KLF13: variants seen among roughly 807,000 people sequenced by gnomAD.
KLF13 encodes KLF transcription factor 13, also known as Krueppel-like factor 13.
In KLF13, 8 loss-of-function variants were observed where a neutral mutation model predicts 16.7. That is an observed-to-expected ratio of 0.48 (90% CI 0.28 to 0.87). KLF13 has a LOEUF of 0.87. KLF13 is among the 40% of genes least tolerant of loss of function. The pLI, the probability that KLF13 is intolerant of heterozygous loss-of-function variation, is 0.10. For missense variants in KLF13, 447 were observed against 452.2 expected, an observed-to-expected ratio of 0.99 and a Z score of 0.10; for synonymous variants, 245 against 208.4, an observed-to-expected ratio of 1.18 and a Z score of -1.51.
At chr15:31,404,889 C>T (rs1168704581), downstream of KLF13, among the ~76,000 whole-genome samples, 2 of 152,170 alleles carry the variant, frequency 1.3e-5, no homozygotes, top group Admixed American at 1.3e-4. Flanking sequence ...AAGAGTGGAG[C>T]CTAGGGTCTT....
At chr15:31,435,071 T>C (rs2037370872) in intron 1 of KLF13, among the ~76,000 whole-genome samples, 1 of 152,170 alleles carries the variant, frequency 6.6e-6, no homozygotes, top group Non-Finnish European at 1.5e-5. Flanking sequence ...TTCCTTCCTG[T>C]GTATATCTTA....
chr15:31,434,867 C>G (rs2040511632), intron 1 of KLF13, among the ~76,000 whole-genome samples: 1 of 152,248 alleles, frequency 6.6e-6, no homozygotes, highest in South Asian at 2.1e-4. Context: ...GGGCAGCCCA[C>G]TGGGCGCCTT....
At chr15:31,327,816 A>C in intron 1 of KLF13, 27 bp downstream of exon 1, 1 of 1,435,460 alleles carries the variant, frequency 7.0e-7, no homozygotes, top group Non-Finnish European at 9.2e-7. Flanking sequence ...GGGCGCCCGG[A>C]TCGCGCGGAC....
chr15:31,399,396 C>T (rs982262183), intron 2 of KLF13, among the ~76,000 whole-genome samples: 1 of 152,154 alleles, frequency 6.6e-6, no homozygotes, highest in Non-Finnish European at 1.5e-5. Context: ...AACTCCTGAC[C>T]TCAGGTGATC....
intron 1 of KLF13, among the ~76,000 whole-genome samples, chr15:31,341,258 G>T (rs2039016649): frequency 6.6e-6 from 1 of 152,216 alleles, no homozygotes; most frequent in Non-Finnish European, 1.5e-5. Flanking sequence ...TTTTCACTGT[G>T]AAGTGGGTCT....
chr15:31,356,101 G>A (rs1054577321), intron 1 of KLF13, among the ~76,000 whole-genome samples: 7 of 152,100 alleles, frequency 4.6e-5, no homozygotes, highest in East Asian at 1.9e-4. Flanking sequence ...TGCATGTCAC[G>A]GGGTTTGATG....
chr15:31,362,248 C>T (rs966680747), intron 1 of KLF13, among the ~76,000 whole-genome samples: 17 of 152,336 alleles, frequency 1.1e-4, no homozygotes, highest in African/African-American at 3.8e-4. Context: ...CCGTTCTAAA[C>T]TGCTGGGCCT....
At chr15:31,402,099 G>C (rs1338935322) in intron 2 of KLF13, among the ~76,000 whole-genome samples, 3 of 152,346 alleles carry the variant, frequency 2.0e-5, no homozygotes, top group Admixed American at 1.3e-4. Flanking sequence ...TCCAGTAGGG[G>C]AGACACTGCA....
Position 31,372,326 on chromosome 15 carries a change from C to A in KLF13, c.*27C>A. On this transcript the variant is annotated 3_prime_UTR_variant, in exon 2 of 2. Coordinates refer to ENST00000307145, the MANE Select transcript of KLF13 (RefSeq NM_015995.4). Reference sequence around the variant, plus strand: ...CCCGCCACAGCCATGAGCAGCCGCTCCCACCCCCTCGTGAGTCCCTGGCCT... The same window carrying A: ...CCCGCCACAGCCATGAGCAGCCGCTACCACCCCCTCGTGAGTCCCTGGCCT... The A allele has an allele frequency of 6.9e-7, 1 of 1,440,420 alleles. No homozygotes were observed. The allele number at this position is 1,440,420 out of a possible 1,614,324, so 89.2% of individuals were successfully genotyped here. A position where few individuals can be genotyped will look rare whatever the true frequency, so the allele number is the denominator to read the frequency against.
rs1033857576 is a variant in KLF13 at position 31,372,410 on chromosome 15, T to C, written c.*111T>C. On this transcript the variant is annotated 3_prime_UTR_variant, in exon 2 of 2. Coordinates refer to ENST00000307145, the MANE Select transcript of KLF13 (RefSeq NM_015995.4). The stretch of plus-strand genomic sequence containing the variant: ...TGATGCAAAGTCCACGAAAAAACAA[T>C]TTTTTTCACCTCAGGTGTCAAAGTA... The C allele has an allele frequency of 8.5e-7, 1 of 1,177,194 alleles. No individual in the cohort carries two copies. The highest frequency in any genetic ancestry group is 2.9e-5 in the East Asian group (1 of 34,382). 72.9% of individuals were successfully genotyped at this position (1,177,194 alleles called of 1,614,324 possible).
chr15:31,351,803 A>G (rs1225265932), intron 1 of KLF13, among the ~76,000 whole-genome samples: 1 of 152,190 alleles, frequency 6.6e-6, no homozygotes, highest in Non-Finnish European at 1.5e-5. Context: ...TGAGGTCAGG[A>G]GTTCAAGACT....
intron 2 of KLF13, among the ~76,000 whole-genome samples, chr15:31,396,868 C>G (rs2140988083): frequency 6.6e-6 from 1 of 152,234 alleles, no homozygotes; most frequent in Non-Finnish European, 1.5e-5. Context: ...ATGTTACAGT[C>G]TTTGTTTTAA....
intron 1 of KLF13, among the ~76,000 whole-genome samples, chr15:31,434,549 CTT>C (rs2040507904): frequency 6.6e-6 from 1 of 152,124 alleles, no homozygotes; most frequent in African/African-American, 2.4e-5. Flanking sequence ...GGAACTGGGT[CTT>C]TGCTATCTCA....
At chr15:31,342,236 T>C (rs1040624345) in intron 1 of KLF13, among the ~76,000 whole-genome samples, 6 of 152,162 alleles carry the variant, frequency 3.9e-5, no homozygotes, top group Non-Finnish European at 8.8e-5. Context: ...GGAGAGATTG[T>C]GCCTGCAGGT....
chr15:31,406,904 C>T (rs1266200864), downstream of KLF13, among the ~76,000 whole-genome samples: 1 of 152,168 alleles, frequency 6.6e-6, no homozygotes, highest in Non-Finnish European at 1.5e-5. Context: ...GCCCTCTCGC[C>T]TCCCTCTTAT....
At chr15:31,328,625 A>T (rs1187743708) in intron 1 of KLF13, among the ~76,000 whole-genome samples, 1 of 150,596 alleles carries the variant, frequency 6.6e-6, no homozygotes, top group Non-Finnish European at 1.5e-5. Flanking sequence ...CACCTGCACC[A>T]GGGCGGGCGC....
downstream of KLF13, among the ~76,000 whole-genome samples, chr15:31,406,548 G>A (rs1043156172): frequency 6.6e-6 from 1 of 152,158 alleles, no homozygotes; most frequent in Admixed American, 6.5e-5. Context: ...AGAATGGAGG[G>A]AAGTGCAGTG....
chr15:31,418,908 G>A (rs1235852786), intron 1 of KLF13, among the ~76,000 whole-genome samples: 1 of 152,164 alleles, frequency 6.6e-6, no homozygotes, highest in Non-Finnish European at 1.5e-5. Flanking sequence ...TCAGGAGTCT[G>A]AGACCAGCCT....
At chr15:31,428,361 G>A (rs537047428) in intron 1 of KLF13, among the ~76,000 whole-genome samples, 56 of 152,208 alleles carry the variant, frequency 3.7e-4, no homozygotes, top group African/African-American at 1.3e-3. Context: ...TTCAATATTA[G>A]GAGGAATTAA....
Sources: gnomAD v4.1 joint callset for allele counts (sites outside exome capture counted in the v4.1 genomes callset) on GRCh38, gnomAD v4.1.1 for gene constraint, MANE v1.5 for transcripts, NCBI Gene and HGNC (gene_info 2026-07-23, HGNC 2026-07-21) for gene names.